The following SLC17A1 variants were observed in gnomAD, a reference collection of about 807,000 sequenced individuals.
The protein encoded by SLC17A1 is solute carrier family 17 member 1.
Under a neutral mutation model 53.5 loss-of-function variants are expected in SLC17A1, and 51 were observed. The observed-to-expected ratio is 0.95, with a 90% CI of 0.76 to 1.20. The LOEUF (loss-of-function observed/expected upper bound fraction) is 1.20, where lower values mean the gene tolerates loss of function less well. Ranked by LOEUF, SLC17A1 falls within the 50% of genes most tolerant of loss-of-function variation. The pLI is 0.00. For missense variants in SLC17A1, 538 were observed against 568.2 expected (o/e 0.95, Z 0.54); for synonymous variants, 179 against 198.8 (o/e 0.90, Z 0.84).
chr6:25,809,292 T>C (rs962001153), intron 10 of SLC17A1, among the ~76,000 whole-genome samples: 3 of 152,000 alleles, frequency 2.0e-5, no homozygotes, highest in African/African-American at 4.8e-5. Context: ...ATAGGTATGA[T>C]GTATATTATT....
At chr6:25,744,347 GT>G in the SLC17A1 span, among the ~76,000 whole-genome samples, 1 of 152,170 alleles carries the variant, frequency 6.6e-6, no homozygotes, top group Non-Finnish European at 1.5e-5. Context: ...CACCTGTCCA[GT>G]TTGCTTGAGA....
In SLC17A1 at chr6:25,811,734, A is replaced by G; in HGVS notation, c.934T>C (p.Trp312Arg). ...TGACCTGCTAGGTTACCACAGATCC[A>G]GGCAAACAAATAGGGAAGGGAAGAC... ...FLSSLPYLFA[W>R]ICGNLAGQLS... is the part of the protein sequence containing the mutation. The change falls in exon 9 of 13, where the codon TGG (tryptophan) becomes CGG (arginine). Residue 312 changes from tryptophan to arginine, a missense_variant. Physicochemically the swap from Trp to Arg is moderately radical, Grantham distance 101 (BLOSUM62 -3). Coordinates refer to ENST00000244527, the MANE Select transcript of SLC17A1 (RefSeq NM_005074.5). 2 of 1,613,846 alleles carry G rather than the reference A, an allele frequency of 1.2e-6. No homozygotes were observed. Among genetic ancestry groups the G allele is most frequent in the Non-Finnish European group, 8.5e-7 (1 of 1,179,762 alleles).
At chr6:25,779,449 G>A (rs1212161704), downstream of SLC17A1, 2 of 354,406 alleles carry the variant, frequency 5.6e-6, no homozygotes, top group Non-Finnish European at 1.0e-5. Context: ...AGCATCAGGG[G>A]CTGGGGACAA....
At chr6:25,782,673 A>G (rs1581441110), downstream of SLC17A1, among the ~76,000 whole-genome samples, 1 of 152,074 alleles carries the variant, frequency 6.6e-6, no homozygotes, top group Admixed American at 6.5e-5. Flanking sequence ...CACCAAGCCA[A>G]CCCTAGCCTC....
At chr6:25,757,743 A>G in the SLC17A1 span, among the ~76,000 whole-genome samples, 2 of 152,004 alleles carry the variant, frequency 1.3e-5, no homozygotes, top group African/African-American at 2.4e-5. Context: ...AGCTCTTGTG[A>G]CCTGGCATTG....
chr6:25,726,529 T>C, the SLC17A1 span: 12 of 1,603,382 alleles, frequency 7.5e-6, no homozygotes, highest in East Asian at 1.1e-4. Flanking sequence ...TCCAGACATC[T>C]CCTCGCATCA....
chr6:25,770,048 A>G, the SLC17A1 span: 2 of 1,599,432 alleles, frequency 1.3e-6, no homozygotes, highest in Admixed American at 1.7e-5. Flanking sequence ...GACAAACAGT[A>G]ACTCTCTTTG....
the SLC17A1 span, chr6:25,773,412 C>G: frequency 1.2e-6 from 2 of 1,612,434 alleles, no homozygotes; most frequent in East Asian, 2.2e-5. Context: ...AGGAACTCCT[C>G]TGACATTTCT....
the SLC17A1 span, among the ~76,000 whole-genome samples, chr6:25,741,632 C>T: frequency 6.6e-6 from 1 of 152,062 alleles, no homozygotes; most frequent in Non-Finnish European, 1.5e-5. Flanking sequence ...AGGAGAATCG[C>T]TTGGACCCAG....
chr6:25,737,196 A>G, the SLC17A1 span, among the ~76,000 whole-genome samples: 1 of 152,160 alleles, frequency 6.6e-6, no homozygotes, highest in African/African-American at 2.4e-5. Flanking sequence ...AACTTCTCCA[A>G]TTACTCTTGT....
chr6:25,804,694 C>A (rs1218557938), intron 10 of SLC17A1, among the ~76,000 whole-genome samples: 1 of 152,020 alleles, frequency 6.6e-6, no homozygotes, highest in Non-Finnish European at 1.5e-5. Flanking sequence ...AGAAAAATAT[C>A]TTACACACAA....
intron 10 of SLC17A1, among the ~76,000 whole-genome samples, chr6:25,805,767 G>C (rs530068514): frequency 6.6e-6 from 1 of 152,148 alleles, no homozygotes; most frequent in Non-Finnish European, 1.5e-5. Context: ...AGAAAAGCTA[G>C]AGGAAATGGA....
chr6:25,827,344 G>T (rs888707699), intron 2 of SLC17A1, among the ~76,000 whole-genome samples: 1 of 152,024 alleles, frequency 6.6e-6, no homozygotes. Context: ...GGAAAGAATG[G>T]ACATATCATG....
At chr6:25,807,363 G>A (rs1763994180) in intron 10 of SLC17A1, among the ~76,000 whole-genome samples, 1 of 152,100 alleles carries the variant, frequency 6.6e-6, no homozygotes, top group Non-Finnish European at 1.5e-5. Context: ...CCATTAAAAA[G>A]AAGGAAATAA....
chr6:25,775,519 T>G, the SLC17A1 span, among the ~76,000 whole-genome samples: 1 of 152,212 alleles, frequency 6.6e-6, no homozygotes, highest in East Asian at 1.9e-4. Flanking sequence ...CACTAAAGCT[T>G]CGACCTCCCA....
chr6:25,809,815 T>C (rs1764089578), intron 10 of SLC17A1, among the ~76,000 whole-genome samples: 1 of 152,032 alleles, frequency 6.6e-6, no homozygotes, highest in Non-Finnish European at 1.5e-5. Context: ...CAAAGTAATC[T>C]TAAACCAAAA....
the SLC17A1 span, among the ~76,000 whole-genome samples, chr6:25,731,464 TAGACA>T: frequency 6.6e-6 from 1 of 152,138 alleles, no homozygotes; most frequent in Non-Finnish European, 1.5e-5. Context: ...GAAAACGTCA[TAGACA>T]AAAAAGCCGT....
At chr6:25,724,897 T>C in the SLC17A1 span, among the ~76,000 whole-genome samples, 2 of 34,578 alleles carry the variant, frequency 5.8e-5, no homozygotes, top group African/African-American at 1.7e-4. Flanking sequence ...AATTCATACT[T>C]TTGTAACTTG....
chr6:25,818,642 T>C (rs537578296), intron 6 of SLC17A1, among the ~76,000 whole-genome samples: 1 of 152,186 alleles, frequency 6.6e-6, no homozygotes, highest in Non-Finnish European at 1.5e-5. Context: ...TTCTTTATAG[T>C]TTTTTTGTGT....
Sources: allele counts gnomAD v4.1 joint callset (sites outside exome capture counted in the v4.1 genomes callset), GRCh38; gene constraint gnomAD v4.1.1; transcripts MANE v1.5; gene names NCBI Gene and HGNC (gene_info 2026-07-23, HGNC 2026-07-21).